Variants in ATG4C observed in about 807,000 individuals in gnomAD.
ATG4C encodes the protein cysteine protease ATG4C.
ATG4C carries 56 observed loss-of-function variants against 57.6 expected under a neutral mutation model. That is an observed-to-expected ratio of 0.97 (90% CI 0.78 to 1.21). The LOEUF (loss-of-function observed/expected upper bound fraction) is 1.21. Ranked by LOEUF, ATG4C falls within the 50% of genes most tolerant of loss-of-function variation. ATG4C has a pLI of 0.00. For synonymous variants in ATG4C, 157 were observed against 174.1 expected, an observed-to-expected ratio of 0.90 and a Z score of 0.78; for missense variants, 595 against 529.8, an observed-to-expected ratio of 1.12 and a Z score of -1.21.
At chr1:62,846,759 GC>G (rs1666335601) in intron 10 of ATG4C, among the ~76,000 whole-genome samples, 1 of 152,040 alleles carries the variant, frequency 6.6e-6, no homozygotes, top group Admixed American at 6.6e-5. Flanking sequence ...CTTCCCTACT[GC>G]TCTTGCAACA....
At chr1:62,815,402 T>C (rs187812712) in intron 3 of ATG4C, among the ~76,000 whole-genome samples, 1 of 152,302 alleles carries the variant, frequency 6.6e-6, no homozygotes, top group East Asian at 1.9e-4. Context: ...TTGGTCTTTA[T>C]GATATTGTTG....
chr1:62,821,251 A>T, intron 6 of ATG4C, 42 bp downstream of exon 6: 1 of 1,335,030 alleles, frequency 7.5e-7, no homozygotes, highest in Non-Finnish European at 1.0e-6. Context: ...TTATTTGGTC[A>T]TACTTTTTAT....
Position 62,819,116 on chromosome 1 carries a change from G to A in ATG4C, c.506G>A (p.Arg169Lys). The change falls in exon 5 of 11, where the codon AGA becomes AAA. Residue 169 changes from arginine to lysine, a missense_variant. By Grantham distance (26) the Arg-to-Lys change is conservative. Transcript: ENST00000317868. ...ASFEASLSGE[R>K]EFKTPTISLK... Reference sequence around the variant, plus strand: ...TTTGAAGCATCACTTTCAGGGGAAAGAGAATTCAAAACCCCAACAATTTCT... The same window carrying A: ...TTTGAAGCATCACTTTCAGGGGAAAAAGAATTCAAAACCCCAACAATTTCT... 6.2e-7 allele frequency: 1 copy of A among 1,613,338 alleles called. No individual in the cohort carries two copies. Among genetic ancestry groups the A allele is most frequent in the Non-Finnish European group, 8.5e-7 (1 of 1,179,598 alleles).
intron 1 of ATG4C, among the ~76,000 whole-genome samples, chr1:62,798,933 G>A (rs1392869730): frequency 1.3e-5 from 2 of 152,044 alleles, no homozygotes; most frequent in African/African-American, 4.8e-5. Flanking sequence ...GTGAGCCACC[G>A]CCCCTGGCTA....
intron 10 of ATG4C, among the ~76,000 whole-genome samples, chr1:62,854,283 C>CTT (rs1342310702): frequency 2.2e-5 from 3 of 138,600 alleles, no homozygotes; most frequent in South Asian, 2.3e-4. Flanking sequence ...CTTTTTCTTT[C>CTT]TTTTTTTTTT....
chr1:62,836,552 G>T (rs1391955164), intron 9 of ATG4C, among the ~76,000 whole-genome samples: 1 of 151,736 alleles, frequency 6.6e-6, no homozygotes, highest in Non-Finnish European at 1.5e-5. Flanking sequence ...TTCACTTTTT[G>T]CTTTTTATCA....
chr1:62,806,936 A>G (rs532339578), intron 3 of ATG4C, among the ~76,000 whole-genome samples: 4 of 152,322 alleles, frequency 2.6e-5, no homozygotes, highest in South Asian at 2.1e-4. Context: ...TCTACATGTC[A>G]TATCATTTTT....
At chr1:62,826,720 C>T (rs1233637075) in intron 6 of ATG4C, among the ~76,000 whole-genome samples, 2 of 150,988 alleles carry the variant, frequency 1.3e-5, no homozygotes, top group East Asian at 3.9e-4. Context: ...TTAGATGTAT[C>T]TCCTAATGCT....
intron 1 of ATG4C, among the ~76,000 whole-genome samples, chr1:62,786,905 C>T (rs1664108334): frequency 6.6e-6 from 1 of 151,980 alleles, no homozygotes; most frequent in Admixed American, 6.6e-5. Flanking sequence ...GTTGGAGTGG[C>T]CCAATTGAGA....
intron 10 of ATG4C, among the ~76,000 whole-genome samples, chr1:62,860,746 A>G (rs1187777756): frequency 6.6e-6 from 1 of 152,200 alleles, no homozygotes; most frequent in Admixed American, 6.5e-5. Context: ...TTAGAGCTTA[A>G]CCCCTACATA....
In ATG4C at chr1:62,819,927, A is replaced by T. The variant is rs188771470; in HGVS notation, c.725+592A>T. On this transcript the variant is annotated intron_variant, in intron 5 of 10. Coordinates refer to ENST00000317868, the MANE Select transcript of ATG4C (RefSeq NM_032852.4). ...CCATTTATTTTGATACCAAGTTTTTAAAAAAATTATCTTATTTGTGTGTGT... is the reference window on the plus strand; with the variant it reads ...CCATTTATTTTGATACCAAGTTTTTTAAAAAATTATCTTATTTGTGTGTGT... Among the ~76,000 whole-genome samples the T allele has an allele frequency of 8.4e-3, 1,279 of 152,116 alleles. 37 individuals are homozygous for T. The highest frequency in any genetic ancestry group is 0.029 in the African/African-American group (1,195 of 41,526).
chr1:62,863,508 G>A (rs1666914953), intron 10 of ATG4C, among the ~76,000 whole-genome samples: 1 of 151,958 alleles, frequency 6.6e-6, no homozygotes, highest in East Asian at 1.9e-4. Flanking sequence ...TGTTATTCAG[G>A]TAGAGTGATG....
chr1:62,834,825 T>C lies in ATG4C; in HGVS notation c.1062T>C (p.Asp354=), dbSNP rs757148779. ...MDPHYCQSFV[D]VSIKDFPLET... is the part of the protein sequence containing the mutation. Reference sequence around the variant, plus strand: ...CTCATTACTGCCAATCTTTTGTAGATGTCAGCATAAAGGATTTCCCTCTTG... The same window carrying C: ...CTCATTACTGCCAATCTTTTGTAGACGTCAGCATAAAGGATTTCCCTCTTG... The change falls in exon 9 of 11, where the codon GAT becomes GAC. Residue 354 remains aspartate (D), a synonymous_variant. Coordinates refer to ENST00000317868, the MANE Select transcript of ATG4C (RefSeq NM_032852.4). The C allele has an allele frequency of 6.2e-6, 10 of 1,612,230 alleles. No homozygotes were observed. Among genetic ancestry groups the C allele is most frequent in the East Asian group, 2.2e-5 (1 of 44,752 alleles).
chr1:62,844,078 GGA>G (rs1666252847), intron 10 of ATG4C, among the ~76,000 whole-genome samples: 1 of 152,194 alleles, frequency 6.6e-6, no homozygotes, highest in Non-Finnish European at 1.5e-5. Flanking sequence ...GAAGGAAAGT[GGA>G]GAGTTTGTCT....
chr1:62,794,580 C>A (rs1054477179), intron 1 of ATG4C, among the ~76,000 whole-genome samples: 2 of 152,140 alleles, frequency 1.3e-5, no homozygotes, highest in Non-Finnish European at 2.9e-5. Context: ...TGTTGCTGTT[C>A]CTTTTTTCAG....
At chr1:62,829,992 C>A (rs1025477834) in intron 7 of ATG4C, among the ~76,000 whole-genome samples, 1 of 151,954 alleles carries the variant, frequency 6.6e-6, no homozygotes, top group African/African-American at 2.4e-5. Context: ...ACTATTTGTT[C>A]CCTCCATGAG....
chr1:62,817,999 T>C (rs1665337056), intron 4 of ATG4C, among the ~76,000 whole-genome samples: 1 of 152,092 alleles, frequency 6.6e-6, no homozygotes, highest in Non-Finnish European at 1.5e-5. Context: ...CTGGGATGAT[T>C]TATTTATAGT....
At chr1:62,850,382 C>T (rs536991815) in intron 10 of ATG4C, among the ~76,000 whole-genome samples, 1 of 152,128 alleles carries the variant, frequency 6.6e-6, no homozygotes, top group Non-Finnish European at 1.5e-5. Context: ...TCAACATAGC[C>T]GCCAGAGTGA....
chr1:62,808,470 C>T (rs948878111), intron 3 of ATG4C, among the ~76,000 whole-genome samples: 5 of 151,160 alleles, frequency 3.3e-5, no homozygotes, highest in Admixed American at 3.3e-4. Flanking sequence ...GGCAAGGTGG[C>T]ATTTAAGGCC....
Sources: gnomAD v4.1 joint callset for allele counts (sites outside exome capture counted in the v4.1 genomes callset) on GRCh38, gnomAD v4.1.1 for gene constraint, MANE v1.5 for transcripts, NCBI Gene and HGNC (gene_info 2026-07-23, HGNC 2026-07-21) for gene names.